Variants in COPB1 observed in about 807,000 individuals in gnomAD.
The protein encoded by COPB1 is coatomer subunit beta.
In COPB1, 21 loss-of-function variants were observed where a neutral mutation model predicts 108.7. The ratio of observed to expected loss-of-function variants is 0.19; its 90% CI spans 0.14 to 0.28. The LOEUF (loss-of-function observed/expected upper bound fraction) is 0.28, where lower values mean the gene tolerates loss of function less well. Ranked by LOEUF, COPB1 falls within the 10% of genes least tolerant of loss-of-function variation. The pLI is 1.00. For missense variants in COPB1, 919 were observed against 1,141.3 expected (o/e 0.81, Z 2.81); for synonymous variants, 378 against 386.8 (o/e 0.98, Z 0.27).
intron 1 of COPB1, chr11:14,499,464 C>G (rs925864781): frequency 1.3e-5 from 2 of 152,258 alleles, no homozygotes; most frequent in Admixed American, 1.3e-4. Context: ...TCCAGCAAAG[C>G]AGCCCTAGGC....
Position 14,481,054 on chromosome 11 carries a change from A to G in COPB1, c.1001T>C (p.Leu334Ser). 1 of 1,613,864 alleles carries G rather than the reference A, an allele frequency of 6.2e-7. No individual in the cohort carries two copies. The highest frequency in any genetic ancestry group is 8.5e-7 in the Non-Finnish European group (1 of 1,179,954). ...CTGCAGAGTTTTCTTTCGTACTTCT[A>G]AGTCTGGTGTGCTCAATACTCTTAG... The part of the protein sequence containing the change: ...DILRVLSTPD[L>S]EVRKKTLQLA... Residue 334 changes from leucine (L) to serine (S), a missense_variant, in exon 9 of 22, where the codon TTA becomes TCA. Coordinates refer to ENST00000439561, the MANE Select transcript of COPB1 (RefSeq NM_001144061.2).
chr11:14,470,192 G>C (rs1850369154), intron 14 of COPB1, among the ~76,000 whole-genome samples: 1 of 152,052 alleles, frequency 6.6e-6, no homozygotes, highest in African/African-American at 2.4e-5. Context: ...TCTTAATCTA[G>C]ACCAGTTCTC....
rs2134097638 is a variant in COPB1 at position 14,466,212 on chromosome 11, G to C, written c.2290+70C>G. On this transcript the variant is annotated intron_variant, in intron 17 of 21. Transcript: ENST00000439561. Reference sequence around the variant, plus strand: ...AGAGAATTTTTATACTGAAACCTGTGCACCTCCCTTAATCTGTCATAAAGA... The same window carrying C: ...AGAGAATTTTTATACTGAAACCTGTCCACCTCCCTTAATCTGTCATAAAGA... 4 of 1,414,108 alleles carry C rather than the reference G, an allele frequency of 2.8e-6. No homozygotes were observed. In the South Asian group the frequency reaches 4.1e-5, roughly 15 times the overall value. The allele number at this position is 1,414,108 out of a possible 1,614,324, so 87.6% of individuals were successfully genotyped here.
intron 20 of COPB1, among the ~76,000 whole-genome samples, chr11:14,458,998 C>T (rs892728660): frequency 9.9e-5 from 15 of 152,152 alleles, no homozygotes; most frequent in Non-Finnish European, 2.2e-4. Flanking sequence ...GAACTCCTGA[C>T]CTCAAGTGAT....
chr11:14,460,037 T>C (rs771570874), intron 20 of COPB1, 171 bp downstream of exon 20: 6 of 542,134 alleles, frequency 1.1e-5, no homozygotes, highest in Non-Finnish European at 2.0e-5. Flanking sequence ...GATGGTATAG[T>C]CCAATAGAAA....
At chr11:14,494,660 T>C (rs1383125114) in intron 2 of COPB1, 4 of 431,190 alleles carry the variant, frequency 9.3e-6, no homozygotes, top group Non-Finnish European at 1.2e-5. Flanking sequence ...ACTCTTTATA[T>C]ATAATATGAA....
intron 18 of COPB1, among the ~76,000 whole-genome samples, chr11:14,461,646 T>C (rs1046041800): frequency 6.6e-6 from 1 of 152,224 alleles, no homozygotes; most frequent in Non-Finnish European, 1.5e-5. Context: ...TTGTTTTTTG[T>C]GGTTAAACAA....
intron 4 of COPB1, among the ~76,000 whole-genome samples, chr11:14,492,345 T>C (rs963381184): frequency 6.6e-6 from 1 of 151,612 alleles, no homozygotes; most frequent in African/African-American, 2.4e-5. Flanking sequence ...TATTATTATT[T>C]TTATTATTAT....
chr11:14,494,462 A>C (rs1850974251), intron 2 of COPB1, 23 bp from the exon 3 acceptor site: 3 of 1,357,776 alleles, frequency 2.2e-6, no homozygotes, highest in Non-Finnish European at 3.1e-6. Context: ...TTTTTTTAAA[A>C]AAAAGCACAA....
At chr11:14,462,425 G>A (rs1184200597) in intron 18 of COPB1, among the ~76,000 whole-genome samples, 2 of 151,954 alleles carry the variant, frequency 1.3e-5, no homozygotes, top group Non-Finnish European at 2.9e-5. Context: ...GTAGAGATGT[G>A]GTTTCACCAT....
intron 17 of COPB1, among the ~76,000 whole-genome samples, chr11:14,465,573 G>C (rs1303556174): frequency 6.6e-6 from 1 of 152,164 alleles, no homozygotes; most frequent in Non-Finnish European, 1.5e-5. Context: ...AAAAGCTTAA[G>C]TCTTAAACTA....
intron 11 of COPB1, 122 bp downstream of exon 11, chr11:14,479,447 C>T (rs927479801): frequency 1.1e-6 from 1 of 895,734 alleles, no homozygotes. Flanking sequence ...GCTTGTTGTA[C>T]AAACTTGTCT....
intron 4 of COPB1, among the ~76,000 whole-genome samples, chr11:14,491,711 G>C (rs1221216712): frequency 6.7e-6 from 1 of 148,874 alleles, no homozygotes; most frequent in Non-Finnish European, 1.5e-5. Context: ...GAAACACAAA[G>C]TTATACCTTC....
Position 14,486,650 on chromosome 11 carries a change from C to G in COPB1, c.700-146G>C, listed in dbSNP as rs549872774. The G allele has an allele frequency of 5.3e-5, 51 of 968,204 alleles. No individual in the cohort carries two copies. In the Admixed American group the frequency reaches 1.2e-3, roughly 22 times the overall value. 60.0% of individuals were successfully genotyped at this position (968,204 alleles called of 1,614,324 possible). ...CTTATGAGGACATGAAAATATCAGACAAAATGGGATGAGACACTATGACAC... is the reference window on the plus strand; with the variant it reads ...CTTATGAGGACATGAAAATATCAGAGAAAATGGGATGAGACACTATGACAC... On this transcript the variant is annotated intron_variant, in intron 6 of 21. Transcript: ENST00000439561.
chr11:14,478,204 A>G (rs919352085), intron 11 of COPB1, among the ~76,000 whole-genome samples: 2 of 152,034 alleles, frequency 1.3e-5, no homozygotes, highest in Non-Finnish European at 2.9e-5. Flanking sequence ...TAAAATACCA[A>G]AATGTTTCCC....
In COPB1 at chr11:14,494,335, C is replaced by T. The variant is rs147506345; in HGVS notation, c.196G>A (p.Val66Met). ...PGLLMTIIRF[V>M]LPLQDHTIKK... is the part of the protein sequence containing the mutation. Reference sequence around the variant, plus strand: ...ATAGTGTGATCCTGAAGAGGTAGCACAAAACGAATGATGGTCATCAGAAGT... The same window carrying T: ...ATAGTGTGATCCTGAAGAGGTAGCATAAAACGAATGATGGTCATCAGAAGT... Residue 66 changes from valine (V) to methionine (M), a missense_variant, in exon 3 of 22, where the codon GTG (valine) becomes ATG (methionine). Physicochemically the swap from Val to Met is conservative, Grantham distance 21 (BLOSUM62 1). This residue lies in a region of COPB1 where 92 missense variants were observed against 108.4 expected (regional missense o/e 0.85). Coordinates refer to ENST00000439561, the MANE Select transcript of COPB1 (RefSeq NM_001144061.2). The T allele has an allele frequency of 6.2e-7, 1 of 1,613,498 alleles. No homozygotes were observed. Among genetic ancestry groups the T allele is most frequent in the Non-Finnish European group, 8.5e-7 (1 of 1,179,640 alleles).
intron 14 of COPB1, among the ~76,000 whole-genome samples, chr11:14,471,687 G>A (rs756248954): frequency 6.6e-5 from 10 of 152,148 alleles, no homozygotes; most frequent in Admixed American, 3.3e-4. Context: ...GGAGGCCGAG[G>A]TGGGCGGATC....
At chr11:14,496,773 G>A (rs1851030507) in intron 2 of COPB1, among the ~76,000 whole-genome samples, 1 of 151,600 alleles carries the variant, frequency 6.6e-6, no homozygotes, top group Non-Finnish European at 1.5e-5. Flanking sequence ...CAAAACTGAA[G>A]GAATCACATT....
chr11:14,487,703 C>CAA, intron 6 of COPB1, among the ~76,000 whole-genome samples: 1 of 148,800 alleles, frequency 6.7e-6, no homozygotes, highest in African/African-American at 2.5e-5. Context: ...AAAAAAAAAA[C>CAA]AAAAAAAAAC....
Sources: allele counts gnomAD v4.1 joint callset (sites outside exome capture counted in the v4.1 genomes callset), GRCh38; gene constraint gnomAD v4.1.1; regional missense constraint gnomAD v4.1.1; transcripts MANE v1.5; gene names NCBI Gene and HGNC (gene_info 2026-07-23, HGNC 2026-07-21).